The following RNF17 variants were observed in gnomAD, a reference collection of about 807,000 sequenced individuals.
The protein encoded by RNF17 is ring finger protein 17, also known as spermatogenesis associated 23.
RNF17 carries 31 observed loss-of-function variants against 200.5 expected under a neutral mutation model. The ratio of observed to expected loss-of-function variants is 0.15; its 90% confidence interval spans 0.12 to 0.21. RNF17 has a LOEUF of 0.21. Among genes scored for constraint, RNF17 ranks in the 10% least tolerant of loss-of-function variants. The probability of loss-of-function intolerance (pLI) is 1.00; values close to 1 mark genes in which losing one functional copy is unlikely to be tolerated. For synonymous variants in RNF17, 606 were observed against 637.8 expected, an observed-to-expected ratio of 0.95 and a Z score of 0.75; for missense variants, 1,628 against 1,905.1, an observed-to-expected ratio of 0.85 and a Z score of 2.71.
At chr13:24,763,369 ATTTTTTTTT>A (rs34750040), upstream of RNF17, among the ~76,000 whole-genome samples, 32 of 114,710 alleles carry the variant, frequency 2.8e-4, no homozygotes, top group Non-Finnish European at 1.7e-5. Context: ...CGTCCGGCTA[ATTTTTTTTT>A]TTTTTTTTTT....
At position 24,815,471 on chromosome 13, in the gene RNF17, GTGTA is replaced by G. The variant is rs1336838432; in HGVS notation, c.2092-10146_2092-10143del. Among the ~76,000 whole-genome samples, 123 of 133,094 alleles carry G rather than the reference GTGTA, an allele frequency of 9.2e-4. 2 individuals are homozygous for G. The highest frequency in any genetic ancestry group is 2.9e-4 in the Non-Finnish European group (18 of 61,030). 87.3% of individuals were successfully genotyped at this position (133,094 alleles called of 152,430 possible). ...TGTGTGTGTGTGTGTGTGTGTGTGT[GTGTA>G]TAATTTGGGGGGATTTTCTTACATA... On this transcript the variant is annotated intron_variant, in intron 15 of 35. Transcript: ENST00000255324.
the RNF17 span, chr13:24,751,074 G>A: frequency 2.6e-5 from 4 of 152,102 alleles, no homozygotes; most frequent in South Asian, 8.3e-4. Context: ...AGTTCTCTCA[G>A]AGAATTTTGT....
At chr13:24,783,018 GTTT>G (rs1161877278) in intron 6 of RNF17, among the ~76,000 whole-genome samples, 3 of 152,220 alleles carry the variant, frequency 2.0e-5, no homozygotes, top group African/African-American at 7.2e-5. Context: ...TCTTTTAAGA[GTTT>G]TATAGTTCTC....
At chr13:24,864,822 GTCA>G (rs755259639) in intron 28 of RNF17, 48 bp from the exon 29 acceptor site, 34 of 1,310,382 alleles carry the variant, frequency 2.6e-5, no homozygotes, top group Non-Finnish European at 3.3e-5. Context: ...CTATAAAAAT[GTCA>G]TCAAGTGGAG....
chr13:24,800,578 A>G (rs768065203), intron 13 of RNF17, 44 bp downstream of exon 13: 25 of 1,555,112 alleles, frequency 1.6e-5, no homozygotes, highest in Non-Finnish European at 2.0e-5. Context: ...GGTTATTACA[A>G]TTTTAGCTAT....
At chr13:24,808,271 C>T (rs968772477) in intron 15 of RNF17, among the ~76,000 whole-genome samples, 1 of 151,974 alleles carries the variant, frequency 6.6e-6, no homozygotes, top group Non-Finnish European at 1.5e-5. Context: ...ATTCTTCCTG[C>T]CCATGAGCAT....
upstream of RNF17, among the ~76,000 whole-genome samples, chr13:24,761,075 G>GTA (rs1305413600): frequency 2.0e-5 from 3 of 152,160 alleles, no homozygotes; most frequent in African/African-American, 7.2e-5. Flanking sequence ...TATTTGTTGT[G>GTA]TATATTTTCG....
intron 20 of RNF17, 87 bp from the exon 21 acceptor site, chr13:24,844,565 A>G (rs998050708): frequency 9.4e-7 from 1 of 1,062,206 alleles, no homozygotes; most frequent in Non-Finnish European, 1.4e-6. Flanking sequence ...CTGGAGCGGA[A>G]TGAGCAAGCG....
chr13:24,832,013 A>G (rs751968825), intron 18 of RNF17, 35 bp downstream of exon 18: 5 of 1,317,844 alleles, frequency 3.8e-6, no homozygotes, highest in Non-Finnish European at 4.2e-6. Flanking sequence ...GTAATCACAT[A>G]TAATTTTAAA....
At chr13:24,866,111 A>G (rs371600075) in intron 29 of RNF17, 33 bp from the exon 30 acceptor site, 4 of 1,177,140 alleles carry the variant, frequency 3.4e-6, no homozygotes, top group Non-Finnish European at 5.0e-6. Context: ...AATATAGCTA[A>G]AGGTGATTTT....
upstream of RNF17, among the ~76,000 whole-genome samples, chr13:24,762,869 C>A (rs928945559): frequency 2.0e-5 from 3 of 152,176 alleles, no homozygotes; most frequent in African/African-American, 7.2e-5. Flanking sequence ...AACTCCTCAG[C>A]CTTACACTCG....
chr13:24,844,016 T>C, intron 20 of RNF17, 45 bp downstream of exon 20: 1 of 589,450 alleles, frequency 1.7e-6, no homozygotes, highest in Non-Finnish European at 2.6e-6. Context: ...TTGCATATGA[T>C]TTTATCCTTT....
the RNF17 span, among the ~76,000 whole-genome samples, chr13:24,886,690 CAAACT>C: frequency 1.3e-5 from 2 of 152,098 alleles, no homozygotes; most frequent in East Asian, 1.9e-4. Context: ...GTTATGTGTG[CAAACT>C]AAACTATAAC....
chr13:24,795,313 T>A (rs745400168), intron 10 of RNF17, among the ~76,000 whole-genome samples: 11 of 151,966 alleles, frequency 7.2e-5, no homozygotes, highest in Non-Finnish European at 1.2e-4. Context: ...TTCTATTCAG[T>A]GTCTCCATCT....
chr13:24,850,073 C>T (rs532915993), intron 22 of RNF17, among the ~76,000 whole-genome samples: 5 of 152,046 alleles, frequency 3.3e-5, no homozygotes, highest in African/African-American at 1.2e-4. Flanking sequence ...CTGTTTTTTA[C>T]AGCTCCTCAA....
At chr13:24,761,849 T>A (rs938902544), upstream of RNF17, among the ~76,000 whole-genome samples, 22 of 152,200 alleles carry the variant, frequency 1.4e-4, no homozygotes, top group Admixed American at 3.3e-4. Flanking sequence ...TTAATTCAAT[T>A]TCTGGGATTA....
At chr13:24,753,012 C>T in the RNF17 span, among the ~76,000 whole-genome samples, 1 of 152,126 alleles carries the variant, frequency 6.6e-6, no homozygotes. Flanking sequence ...TCTCCTTGGG[C>T]AAGAAGTTCT....
chr13:24,793,197 C>G lies in RNF17; in HGVS notation c.1091C>G (p.Pro364Arg), dbSNP rs757447372. The G allele has an allele frequency of 6.2e-7, 1 of 1,614,096 alleles. No homozygotes were observed. The highest frequency in any genetic ancestry group is 1.1e-5 in the South Asian group (1 of 91,076). Residue 364 changes from proline to arginine, a missense_variant, in exon 10 of 36, where the codon CCT (proline) becomes CGT (arginine). Around this residue, in one of 5 missense-constraint regions of RNF17, gnomAD observed 502 missense variants for 501.7 expected, o/e 1.00. Transcript: ENST00000255324. ...GAAGCACCACCACCTCCTTTGCAAC[C>G]TGAGACAAATGATGTACATTTAGAA... ...TSEAPPPPLQ[P>R]ETNDVHLEAK...
In RNF17 at chr13:24,851,711, CT is replaced by C. The variant is rs1891914644; in HGVS notation, c.3320+141del. 2.2e-5 allele frequency: 13 copies of C among 584,514 alleles called. No individual in the cohort carries two copies. In the South Asian group the frequency reaches 2.5e-4, roughly 11 times the overall value. 36.2% of individuals were successfully genotyped at this position (584,514 alleles called of 1,614,324 possible). ...TTATAAGCTGACCCTGAGGAGCCAG[CT>C]CAGAAATAGATTCCTTCAGAATTGC... On this transcript the variant is annotated intron_variant, in intron 24 of 35. Transcript: ENST00000255324.
Sources: allele counts gnomAD v4.1 joint callset (sites outside exome capture counted in the v4.1 genomes callset), GRCh38; gene constraint gnomAD v4.1.1; regional missense constraint gnomAD v4.1.1; transcripts MANE v1.5; gene names NCBI Gene and HGNC (gene_info 2026-07-23, HGNC 2026-07-21).